The following KCNQ5 variants were observed in gnomAD, a reference collection of about 807,000 sequenced individuals.
KCNQ5 encodes the protein potassium voltage-gated channel subfamily KQT member 5.
KCNQ5 carries 30 observed loss-of-function variants against 98.2 expected under a neutral mutation model. That is an observed-to-expected ratio of 0.31 (90% CI 0.23 to 0.41). The LOEUF is 0.41. Among genes scored for constraint, KCNQ5 ranks in the 10% least tolerant of loss-of-function variants. KCNQ5 has a pLI of 1.00. For synonymous variants in KCNQ5, 458 were observed against 449.4 expected, an observed-to-expected ratio of 1.02 and a Z score of -0.24; for missense variants, 835 against 1,182.5, an observed-to-expected ratio of 0.71 and a Z score of 4.31.
Position 72,713,055 on chromosome 6 carries a change from GA to G in KCNQ5, c.398+90470del, listed in dbSNP as rs1222236453. Among the ~76,000 whole-genome samples, 3 of 152,134 alleles carry G rather than the reference GA, an allele frequency of 2.0e-5. No individual in the cohort carries two copies. In the East Asian group the frequency reaches 5.8e-4, roughly 29 times the overall value. ...AGTAATATGTACATAATAAATAAAT[GA>G]ATACATGCTTAAAGTCGCACGGCAG... On this transcript the variant is annotated intron_variant, in intron 1 of 13. Coordinates refer to ENST00000370398, the MANE Select transcript of KCNQ5 (RefSeq NM_019842.4).
At chr6:72,633,043 C>T (rs1410007000) in intron 1 of KCNQ5, among the ~76,000 whole-genome samples, 1 of 152,144 alleles carries the variant, frequency 6.6e-6, no homozygotes, top group Non-Finnish European at 1.5e-5. Context: ...TTTACATTCC[C>T]ACTAACAGTG....
intron 1 of KCNQ5, among the ~76,000 whole-genome samples, chr6:72,834,187 T>C (rs1426398802): frequency 2.0e-5 from 3 of 152,088 alleles, no homozygotes. Flanking sequence ...GTTTGTTATA[T>C]TATTCTCTGT....
intron 1 of KCNQ5, among the ~76,000 whole-genome samples, chr6:72,939,905 T>C (rs1766141969): frequency 6.6e-6 from 1 of 152,232 alleles, no homozygotes; most frequent in African/African-American, 2.4e-5. Flanking sequence ...GAAAGATTAA[T>C]AGCAACCATC....
At chr6:73,128,621 TTG>T (rs1330103161) in intron 9 of KCNQ5, among the ~76,000 whole-genome samples, 1 of 152,244 alleles carries the variant, frequency 6.6e-6, no homozygotes, top group Non-Finnish European at 1.5e-5. Context: ...ATCTGAGGTT[TTG>T]AGATTATCTA....
intron 3 of KCNQ5, among the ~76,000 whole-genome samples, chr6:73,045,054 G>C (rs1464360176): frequency 6.6e-6 from 1 of 152,122 alleles, no homozygotes; most frequent in Non-Finnish European, 1.5e-5. Context: ...CAAGCCCCAT[G>C]TACTATTGCA....
intron 10 of KCNQ5, among the ~76,000 whole-genome samples, chr6:73,140,915 C>T (rs1776677510): frequency 6.6e-6 from 1 of 152,148 alleles, no homozygotes; most frequent in Non-Finnish European, 1.5e-5. Flanking sequence ...TACTCCTCTG[C>T]TGTGTTTCAT....
At chr6:73,109,650 ATGT>A (rs1317322970) in intron 6 of KCNQ5, among the ~76,000 whole-genome samples, 2 of 152,208 alleles carry the variant, frequency 1.3e-5, no homozygotes, top group Admixed American at 6.5e-5. Flanking sequence ...ATGGAGGGAA[ATGT>A]TGTTTAAATC....
intron 1 of KCNQ5, among the ~76,000 whole-genome samples, chr6:72,875,516 T>C (rs78785134): frequency 0.014 from 2,133 of 152,286 alleles, 39 homozygotes; most frequent in African/African-American, 0.049. Flanking sequence ...ACACAACAAA[T>C]GTCAAGTTGT....
At chr6:73,015,774 A>C (rs1428565320) in intron 2 of KCNQ5, among the ~76,000 whole-genome samples, 1 of 152,186 alleles carries the variant, frequency 6.6e-6, no homozygotes, top group Admixed American at 6.6e-5. Flanking sequence ...CTGGAAAATA[A>C]GTCAAAATGT....
chr6:72,730,479 C>T (rs117088560), intron 1 of KCNQ5, among the ~76,000 whole-genome samples: 1,841 of 152,240 alleles, frequency 0.012, 20 homozygotes, highest in Middle Eastern at 0.054. Flanking sequence ...ACTCTCTGAT[C>T]CTTTCAGAAT....
intron 1 of KCNQ5, among the ~76,000 whole-genome samples, chr6:72,862,363 C>T (rs1777801029): frequency 6.6e-6 from 1 of 152,180 alleles, no homozygotes; most frequent in East Asian, 1.9e-4. Flanking sequence ...CAAAGATACA[C>T]TAAGAGCTGA....
intron 1 of KCNQ5, among the ~76,000 whole-genome samples, chr6:72,751,704 G>A (rs187411708): frequency 9.3e-4 from 141 of 151,950 alleles, no homozygotes; most frequent in African/African-American, 3.0e-3. Context: ...ATTAATATAG[G>A]CATCACTCTT....
rs371595119 is a variant in KCNQ5 at position 73,124,042 on chromosome 6, A to G, written c.1221-444A>G. 2.6e-3 allele frequency among the ~76,000 whole-genome samples: 398 copies of G among 152,220 alleles called. 5 individuals are homozygous for G. The highest frequency in any genetic ancestry group is 9.3e-3 in the African/African-American group (387 of 41,566). The stretch of plus-strand genomic sequence containing the variant: ...GGAAATTTAGATTTTATACGATACA[A>G]AAAAAAATCTGCCTCAGCAAGTGAC... On this transcript the variant is annotated intron_variant, in intron 8 of 13. Coordinates refer to ENST00000370398, the MANE Select transcript of KCNQ5 (RefSeq NM_019842.4).
At chr6:73,017,733 T>A (rs1461525205) in intron 2 of KCNQ5, among the ~76,000 whole-genome samples, 6 of 152,160 alleles carry the variant, frequency 3.9e-5, no homozygotes, top group Non-Finnish European at 8.8e-5. Flanking sequence ...GTGCAAGTGT[T>A]ACAGGCCCTC....
chr6:73,153,585 T>C (rs1378202819), intron 10 of KCNQ5, among the ~76,000 whole-genome samples: 2 of 152,152 alleles, frequency 1.3e-5, no homozygotes, highest in Admixed American at 1.3e-4. Context: ...TCATATTTTC[T>C]CTTTGCTATG....
chr6:72,868,528 A>T (rs1346994895), intron 1 of KCNQ5, among the ~76,000 whole-genome samples: 2 of 152,158 alleles, frequency 1.3e-5, no homozygotes, highest in Non-Finnish European at 1.5e-5. Flanking sequence ...TTGTTCAAAG[A>T]GTGGACCTAG....
rs545254868 is a variant in KCNQ5 at position 73,197,580 on chromosome 6, T to TACACACACACAC, written c.*2217_*2228dup. 1.9e-5 allele frequency: 2 copies of TACACACACACAC among 105,426 alleles called. No individual in the cohort carries two copies. Among genetic ancestry groups the TACACACACACAC allele is most frequent in the African/African-American group, 3.5e-5 (1 of 28,736 alleles). The allele number at this position is 105,426 out of a possible 1,614,324, so 6.5% of individuals were successfully genotyped here. On this transcript the variant is annotated 3_prime_UTR_variant, in exon 14 of 14. Transcript: ENST00000370398. ...GATTCCCCCTTGCAAGAATGTTGCA[T>TACACACACACAC]ACACACACACACACACACACACACA...
intron 10 of KCNQ5, among the ~76,000 whole-genome samples, chr6:73,150,489 CATATA>C (rs201549945): frequency 0.025 from 3,466 of 140,774 alleles, 212 homozygotes; most frequent in Admixed American, 0.12. Flanking sequence ...TATTATATTA[CATATA>C]ATATATTAAT....
intron 1 of KCNQ5, among the ~76,000 whole-genome samples, chr6:72,926,578 A>C (rs972415863): frequency 6.6e-6 from 1 of 152,124 alleles, no homozygotes. Context: ...AATATTCCTT[A>C]GAATTTTTCA....
Sources: allele counts gnomAD v4.1 joint callset (sites outside exome capture counted in the v4.1 genomes callset), GRCh38; gene constraint gnomAD v4.1.1; transcripts MANE v1.5; gene names NCBI Gene and HGNC (gene_info 2026-07-23, HGNC 2026-07-21).